The following NUDT3 variants were observed in gnomAD, a reference collection of about 807,000 sequenced individuals.
NUDT3 encodes diphosphoinositol polyphosphate phosphohydrolase 1.
A neutral mutation model predicts 23.6 loss-of-function variants in NUDT3; 9 were observed. That is an observed-to-expected ratio of 0.38 (90% CI 0.23 to 0.66). NUDT3 has a LOEUF of 0.66. NUDT3 is among the 30% of genes least tolerant of loss of function. The pLI, the probability that NUDT3 is intolerant of heterozygous loss-of-function variation, is 0.52. For missense variants in NUDT3, 172 were observed against 218.5 expected (o/e 0.79, Z 1.34); for synonymous variants, 86 against 82.6 (o/e 1.04, Z -0.22).
At chr6:34,356,017 TC>T (rs934339793) in intron 1 of NUDT3, among the ~76,000 whole-genome samples, 3 of 151,920 alleles carry the variant, frequency 2.0e-5, no homozygotes, top group African/African-American at 7.3e-5. Context: ...TGGGACAATC[TC>T]AAGAGAGAAA....
In NUDT3 at chr6:34,341,943, T is replaced by G. The variant is rs554603311; in HGVS notation, c.129A>C (p.Pro43=). 31 of 1,614,052 alleles carry G rather than the reference T, an allele frequency of 1.9e-5. No individual in the cohort carries two copies. The African/African-American group carries it at 3.2e-4, about 17-fold the overall frequency. Residue 43 remains proline (P), a synonymous_variant, in exon 2 of 5, where the codon CCA becomes CCC. Transcript: ENST00000607016. ...EVLLVSSSRH[P]DRWIVPGGGM... ...CTCCTCCAGGGACAATCCATCTGTC[T>G]GGATGGCGACTACTGCTCACGAGTA...
intron 2 of NUDT3, among the ~76,000 whole-genome samples, chr6:34,340,969 C>T (rs546075796): frequency 6.6e-6 from 1 of 152,056 alleles, no homozygotes; most frequent in African/African-American, 2.4e-5. Flanking sequence ...AAGCTGGATC[C>T]AAAAGAAACA....
At chr6:34,374,467 C>T (rs1764889137) in intron 1 of NUDT3, among the ~76,000 whole-genome samples, 1 of 152,114 alleles carries the variant, frequency 6.6e-6, no homozygotes, top group South Asian at 2.1e-4. Context: ...TCCTTTCTTT[C>T]CCAGTTCTTG....
intron 1 of NUDT3, among the ~76,000 whole-genome samples, chr6:34,390,313 A>AG (rs1290533566): frequency 5.9e-5 from 9 of 151,640 alleles, no homozygotes; most frequent in Admixed American, 2.0e-4. Context: ...AAAGAAAAAA[A>AG]GTAAGCTCCT....
chr6:34,386,720 G>A (rs1275339755), intron 1 of NUDT3, among the ~76,000 whole-genome samples: 1 of 152,166 alleles, frequency 6.6e-6, no homozygotes, highest in Non-Finnish European at 1.5e-5. Flanking sequence ...ATGGAGTTGA[G>A]AAATTCCTAT....
At chr6:34,363,875 C>T (rs992372245) in intron 1 of NUDT3, among the ~76,000 whole-genome samples, 2 of 151,840 alleles carry the variant, frequency 1.3e-5, no homozygotes, top group Admixed American at 6.6e-5. Context: ...CAGGTTTAAG[C>T]GATTCTCCTG....
At position 34,343,721 on chromosome 6, in the gene NUDT3, A is replaced by G. The variant is rs549507507; in HGVS notation, c.100-1749T>C. 8.5e-5 allele frequency among the ~76,000 whole-genome samples: 13 copies of G among 152,320 alleles called. No homozygotes were observed. In the South Asian group the frequency reaches 1.2e-3, roughly 15 times the overall value. ...TTCTTAGATATGAAGCATGAGCAAC[A>G]AAAGGGCAAACAAGATAAACTGGAA... On this transcript the variant is annotated intron_variant, in intron 1 of 4. Transcript: ENST00000607016.
At chr6:34,367,233 G>A (rs566674617) in intron 1 of NUDT3, among the ~76,000 whole-genome samples, 1 of 152,136 alleles carries the variant, frequency 6.6e-6, no homozygotes, top group African/African-American at 2.4e-5. Flanking sequence ...TGTAATACCA[G>A]CACTTTGGGA....
Position 34,392,376 on chromosome 6 carries a change from G to C in NUDT3, c.-14C>G. On this transcript the variant is annotated 5_prime_UTR_variant, in exon 1 of 5. Coordinates refer to ENST00000607016, the MANE Select transcript of NUDT3 (RefSeq NM_006703.4). Reference sequence around the variant, plus strand: ...GAGCTTCATCATCCTCCGGGCCCGGGTGGGGGTGCGGTGCGGGTCGCAGGA... The same window carrying C: ...GAGCTTCATCATCCTCCGGGCCCGGCTGGGGGTGCGGTGCGGGTCGCAGGA... 6.3e-7 allele frequency: 1 copy of C among 1,593,814 alleles called. No individual in the cohort carries two copies. Among genetic ancestry groups the C allele is most frequent in the Non-Finnish European group, 8.5e-7 (1 of 1,171,980 alleles).
chr6:34,330,810 AAAAAGAAAAAG>A (rs1254586535), intron 2 of NUDT3, among the ~76,000 whole-genome samples: 1 of 152,206 alleles, frequency 6.6e-6, no homozygotes, highest in South Asian at 2.1e-4. Context: ...CCAAAAAGAA[AAAAAGAAAAAG>A]AAAAGAAAAT....
At chr6:34,366,492 G>GGAGGGAGGGAGA (rs1468317854) in intron 1 of NUDT3, among the ~76,000 whole-genome samples, 8 of 124,918 alleles carry the variant, frequency 6.4e-5, no homozygotes, top group African/African-American at 2.4e-4. Flanking sequence ...AGGGAGGGAG[G>GGAGGGAGGGAGA]GAGGGAGGGA....
At chr6:34,354,837 AT>A (rs1425172982) in intron 1 of NUDT3, among the ~76,000 whole-genome samples, 4 of 148,434 alleles carry the variant, frequency 2.7e-5, no homozygotes, top group Non-Finnish European at 4.5e-5. Context: ...TTATATTTGT[AT>A]ACTTATATTT....
chr6:34,293,099 G>T (rs1016057333), intron 4 of NUDT3, among the ~76,000 whole-genome samples: 7 of 152,120 alleles, frequency 4.6e-5, no homozygotes, highest in Admixed American at 4.6e-4. Context: ...GTCTCACTCT[G>T]TTGCCTAGGC....
intron 1 of NUDT3, among the ~76,000 whole-genome samples, chr6:34,349,915 C>A (rs370452200): frequency 6.7e-6 from 1 of 149,994 alleles, no homozygotes; most frequent in Non-Finnish European, 1.5e-5. Flanking sequence ...ACGGTGAAAC[C>A]CCGTCTCTAC....
chr6:34,338,515 T>C (rs1339496794), intron 2 of NUDT3, among the ~76,000 whole-genome samples: 1 of 152,228 alleles, frequency 6.6e-6, no homozygotes, highest in East Asian at 1.9e-4. Flanking sequence ...AACCCAAATT[T>C]CTGTATCCCC....
chr6:34,321,490 A>C (rs1196158749), intron 2 of NUDT3, among the ~76,000 whole-genome samples: 2 of 152,170 alleles, frequency 1.3e-5, no homozygotes, highest in African/African-American at 4.8e-5. Flanking sequence ...CTCCTTCATC[A>C]TTAATAGAAT....
chr6:34,317,454 A>G (rs1286464771), intron 2 of NUDT3, among the ~76,000 whole-genome samples: 1 of 152,158 alleles, frequency 6.6e-6, no homozygotes, highest in Non-Finnish European at 1.5e-5. Flanking sequence ...AAGGCATCTA[A>G]TGTTAAGAGG....
intron 2 of NUDT3, among the ~76,000 whole-genome samples, chr6:34,324,181 C>T (rs567433303): frequency 2.8e-4 from 42 of 152,166 alleles, no homozygotes; most frequent in African/African-American, 9.9e-4. Context: ...ACGGGAAACC[C>T]CGTCTCTACT....
Position 34,363,990 on chromosome 6 carries a change from TCTGTTTCTC to T in NUDT3, c.100-22027_100-22019del, listed in dbSNP as rs566151911. Among the ~76,000 whole-genome samples, 181 of 152,196 alleles carry T rather than the reference TCTGTTTCTC, an allele frequency of 1.2e-3. 1 individual carries two copies. In the East Asian group the frequency reaches 0.013, roughly 11 times the overall value. On this transcript the variant is annotated intron_variant, in intron 1 of 4. Coordinates refer to ENST00000607016, the MANE Select transcript of NUDT3 (RefSeq NM_006703.4). ...GTTTCACCACGGTTGTCGCCCAACG[TCTGTTTCTC>T]CTCTATTCCAGAGACGCTAACAAGG...
Sources: allele counts gnomAD v4.1 joint callset (sites outside exome capture counted in the v4.1 genomes callset), GRCh38; gene constraint gnomAD v4.1.1; transcripts MANE v1.5; gene names NCBI Gene and HGNC (gene_info 2026-07-23, HGNC 2026-07-21).